The following ANK2 variants were observed in gnomAD, a reference collection of about 807,000 sequenced individuals.
The protein encoded by ANK2 is ankyrin-2.
In ANK2, 83 loss-of-function variants were observed where a neutral mutation model predicts 360.5. The ratio of observed to expected loss-of-function variants is 0.23; its 90% CI spans 0.19 to 0.28. The LOEUF (loss-of-function observed/expected upper bound fraction) is 0.28, where lower values mean the gene tolerates loss of function less well. Ranked by LOEUF, ANK2 falls within the 10% of genes least tolerant of loss-of-function variation. The pLI is 1.00. For synonymous variants in ANK2, 1,740 were observed against 1,759.5 expected, an observed-to-expected ratio of 0.99 and a Z score of 0.28; for missense variants, 4,201 against 4,795.7, an observed-to-expected ratio of 0.88 and a Z score of 3.66.
the ANK2 span, among the ~76,000 whole-genome samples, chr4:112,712,447 G>A: frequency 6.7e-5 from 8 of 120,092 alleles, no homozygotes; most frequent in African/African-American, 1.6e-4. Context: ...TCGCTCTGTC[G>A]CCCAGGCTGG....
chr4:113,113,919 A>G (rs948943820), intron 1 of ANK2, among the ~76,000 whole-genome samples: 1 of 152,206 alleles, frequency 6.6e-6, no homozygotes, highest in African/African-American at 2.4e-5. Context: ...TCAGCTTACT[A>G]CTGAATAAGC....
chr4:113,063,720 A>G (rs1356526514), intron 1 of ANK2, among the ~76,000 whole-genome samples: 1 of 152,180 alleles, frequency 6.6e-6, no homozygotes, highest in African/African-American at 2.4e-5. Context: ...TATCTCATAC[A>G]AATACATTTT....
At chr4:112,884,613 C>T (rs905350464) in intron 1 of ANK2, among the ~76,000 whole-genome samples, 2 of 152,190 alleles carry the variant, frequency 1.3e-5, no homozygotes, top group Non-Finnish European at 2.9e-5. Flanking sequence ...TTTCTCTCCC[C>T]TGCTCTAGCC....
chr4:113,021,471 A>G (rs1239145917), intron 2 of ANK2, among the ~76,000 whole-genome samples: 1 of 149,436 alleles, frequency 6.7e-6, no homozygotes, highest in East Asian at 1.9e-4. Flanking sequence ...TTTTCCATAT[A>G]TATAAGTACG....
chr4:112,869,105 G>A (rs143908796), intron 1 of ANK2, among the ~76,000 whole-genome samples: 4,332 of 152,140 alleles, frequency 0.028, 80 homozygotes, highest in Middle Eastern at 0.041. Flanking sequence ...AACTACAGGT[G>A]TGTGCCACCA....
the ANK2 span, among the ~76,000 whole-genome samples, chr4:112,744,028 G>A: frequency 1.3e-5 from 2 of 151,574 alleles, no homozygotes; most frequent in African/African-American, 4.9e-5. Context: ...AGTAGAGATG[G>A]GGTTTCGCCA....
chr4:113,239,815 G>A (rs1456480328), intron 7 of ANK2, among the ~76,000 whole-genome samples: 1 of 152,048 alleles, frequency 6.6e-6, no homozygotes, highest in Non-Finnish European at 1.5e-5. Flanking sequence ...ATTCAAAATT[G>A]GAGTGAGCTG....
At chr4:113,292,012 A>C (rs2067929371) in intron 20 of ANK2, among the ~76,000 whole-genome samples, 1 of 152,172 alleles carries the variant, frequency 6.6e-6, no homozygotes. Context: ...GTTAAAAACA[A>C]TTTTAACTCT....
intron 17 of ANK2, among the ~76,000 whole-genome samples, chr4:113,281,681 G>A (rs901054740): frequency 3.3e-5 from 5 of 152,008 alleles, no homozygotes; most frequent in African/African-American, 1.2e-4. Flanking sequence ...AAATTCTACC[G>A]GATTTGATAA....
At chr4:113,252,792 CAATT>C (rs1434917263) in intron 10 of ANK2, among the ~76,000 whole-genome samples, 2 of 152,142 alleles carry the variant, frequency 1.3e-5, no homozygotes, top group African/African-American at 4.8e-5. Flanking sequence ...GCATTTCACT[CAATT>C]AAATTCAACT....
chr4:112,884,042 T>C (rs772336097), intron 1 of ANK2, among the ~76,000 whole-genome samples: 26 of 151,998 alleles, frequency 1.7e-4, no homozygotes, highest in Non-Finnish European at 8.8e-5. Context: ...TAGCACAAAT[T>C]CCTCTGAGTG....
intron 1 of ANK2, among the ~76,000 whole-genome samples, chr4:112,846,800 C>T (rs563931234): frequency 6.0e-4 from 92 of 152,246 alleles, no homozygotes; most frequent in Admixed American, 1.6e-3. Flanking sequence ...GTAGATGGGT[C>T]GTTTTGCCCA....
intron 1 of ANK2, among the ~76,000 whole-genome samples, chr4:112,884,057 T>C (rs1346142308): frequency 1.3e-5 from 2 of 152,086 alleles, no homozygotes; most frequent in South Asian, 2.1e-4. Context: ...TGAGTGACTA[T>C]GAAAATATGA....
At chr4:112,775,266 C>T in the ANK2 span, among the ~76,000 whole-genome samples, 1 of 152,082 alleles carries the variant, frequency 6.6e-6, no homozygotes, top group Admixed American at 6.6e-5. Flanking sequence ...TGCCTGTAAT[C>T]CCAGCACTTT....
At position 113,293,260 on chromosome 4, in the gene ANK2, A is replaced by AG. The variant is rs765324627; in HGVS notation, c.2377-180_2377-179insG. 7.1e-6 allele frequency: 5 copies of AG among 702,358 alleles called. No homozygotes were observed. In the East Asian group the frequency reaches 1.4e-4, roughly 19 times the overall value. The allele number at this position is 702,358 out of a possible 1,614,324, so 43.5% of individuals were successfully genotyped here. On this transcript the variant is annotated intron_variant, in intron 21 of 45. Transcript: ENST00000357077. ...TTGTGTTACCATGGTGACCTGGCCTATAGTCTGAAGAAGTTACAAAGACAG... is the reference window on the plus strand; with the variant it reads ...TTGTGTTACCATGGTGACCTGGCCTAGTAGTCTGAAGAAGTTACAAAGACAG...
intron 1 of ANK2, among the ~76,000 whole-genome samples, chr4:112,883,476 G>A (rs2077375687): frequency 1.3e-5 from 2 of 152,018 alleles, no homozygotes; most frequent in Admixed American, 6.6e-5. Flanking sequence ...AAACATATTT[G>A]AAAACAAAAG....
intron 5 of ANK2, among the ~76,000 whole-genome samples, chr4:113,233,505 T>C (rs1332788846): frequency 6.6e-6 from 1 of 152,168 alleles, no homozygotes; most frequent in East Asian, 1.9e-4. Context: ...GAAAGATGAC[T>C]GGTGGATTCT....
intron 4 of ANK2, among the ~76,000 whole-genome samples, chr4:113,207,666 T>C (rs2098967876): frequency 6.8e-6 from 1 of 147,296 alleles, no homozygotes; most frequent in African/African-American, 2.5e-5. Flanking sequence ...TGGTGATCCT[T>C]TGAGGCAAGG....
In ANK2 at chr4:113,352,394, CTGTT is replaced by C. The variant is rs1485393775; in HGVS notation, c.4427-645_4427-642del. ...AAGGACCATGCCTCGTAGCACCAGA[CTGTT>C]TGTTTCATTGTTAGGTGTGAATTTC... On this transcript the variant is annotated intron_variant, in intron 37 of 45. Transcript: ENST00000357077. Among the ~76,000 whole-genome samples the C allele has an allele frequency of 7.9e-5, 12 of 152,162 alleles. No individual in the cohort carries two copies. In the South Asian group the frequency reaches 1.2e-3, roughly 16 times the overall value.
Sources: gnomAD v4.1 joint callset for allele counts (sites outside exome capture counted in the v4.1 genomes callset) on GRCh38, gnomAD v4.1.1 for gene constraint, MANE v1.5 for transcripts, NCBI Gene and HGNC (gene_info 2026-07-23, HGNC 2026-07-21) for gene names.